Variants in PLCG1 observed in about 807,000 individuals in gnomAD.
PLCG1 encodes phospholipase C gamma 1.
In PLCG1, 71 loss-of-function variants were observed where a neutral mutation model predicts 177.8. The ratio of observed to expected loss-of-function variants is 0.40; its 90% confidence interval spans 0.33 to 0.49. The LOEUF (loss-of-function observed/expected upper bound fraction) is 0.49. Ranked by LOEUF, PLCG1 falls within the 20% of genes least tolerant of loss-of-function variation. The pLI, the probability that PLCG1 is intolerant of heterozygous loss-of-function variation, is 0.72. For synonymous variants in PLCG1, 658 were observed against 647.9 expected (o/e 1.02, Z -0.24); for missense variants, 1,281 against 1,709.0 (o/e 0.75, Z 4.42).
rs1600645501 is a variant in PLCG1 at position 41,153,595 on chromosome 20, C to G, written c.218-6011C>G. ...ATGCACTTTATAAAGGGAAAACCCT[C>G]TCTGAAGAGAAATATTTCAGACAGG... On this transcript the variant is annotated intron_variant, in intron 1 of 31. Coordinates refer to ENST00000685551, the MANE Select transcript of PLCG1 (RefSeq NM_002660.3). This position sits in a 1 kb window ranked among gnomAD's most constrained non-coding sequence, Gnocchi z 5.1. Among the ~76,000 whole-genome samples the G allele has an allele frequency of 1.3e-5, 2 of 152,320 alleles. No individual in the cohort carries two copies. Among genetic ancestry groups the G allele is most frequent in the East Asian group, 3.9e-4 (2 of 5,194 alleles).
chr20:41,169,012 C>T (rs1248219013), intron 21 of PLCG1, 67 bp from the exon 22 acceptor site: 1 of 1,338,962 alleles, frequency 7.5e-7, no homozygotes. Context: ...GAACCCCTAC[C>T]AAAGGATACC....
In PLCG1 at chr20:41,165,145, C is replaced by T. The variant is rs1363026016; in HGVS notation, c.1386+44C>T. 6 of 1,604,026 alleles carry T rather than the reference C, an allele frequency of 3.7e-6. No homozygotes were observed. Among genetic ancestry groups the T allele is most frequent in the South Asian group, 3.4e-5 (3 of 89,536 alleles). ...TGCGGAAGCCCCACACTTCTCAGTGCCTTGCCCAGGCCATGGCTTCAGCTG... is the reference window on the plus strand; with the variant it reads ...TGCGGAAGCCCCACACTTCTCAGTGTCTTGCCCAGGCCATGGCTTCAGCTG... On this transcript the variant is annotated intron_variant, in intron 13 of 31. Coordinates refer to ENST00000685551, the MANE Select transcript of PLCG1 (RefSeq NM_002660.3). The surrounding 1 kb of genome is among the most constrained non-coding windows in gnomAD (Gnocchi z 6.6).
chr20:41,141,878 T>G lies in PLCG1; in HGVS notation c.217+4020T>G, dbSNP rs377729696. Among the ~76,000 whole-genome samples, 74 of 152,194 alleles carry G rather than the reference T, an allele frequency of 4.9e-4. No homozygotes were observed. In the East Asian group the frequency reaches 7.3e-3, roughly 15 times the overall value. On this transcript the variant is annotated intron_variant, in intron 1 of 31. Coordinates refer to ENST00000685551, the MANE Select transcript of PLCG1 (RefSeq NM_002660.3). ...ACACCTCCAGCTTCTCTCCAGACTC[T>G]TGTGTGTGTGTGTACACAGATGCAC...
intron 4 of PLCG1, 185 bp from the exon 5 acceptor site, chr20:41,162,267 G>A (rs1645574088): frequency 5.0e-6 from 1 of 200,730 alleles, no homozygotes; most frequent in African/African-American, 2.6e-5. Context: ...CTCAGATGAG[G>A]AACTGAGGTC....
At position 41,157,965 on chromosome 20, in the gene PLCG1, A is replaced by G. The variant is rs2035375096; in HGVS notation, c.218-1641A>G. ...GAATAATGTTTTATGAAGAGCCAGAAGACTGGGGAAGGATGGCTGATGGGT... is the reference window on the plus strand; with the variant it reads ...GAATAATGTTTTATGAAGAGCCAGAGGACTGGGGAAGGATGGCTGATGGGT... On this transcript the variant is annotated intron_variant, in intron 1 of 31. Coordinates refer to ENST00000685551, the MANE Select transcript of PLCG1 (RefSeq NM_002660.3). This position sits in a 1 kb window ranked among gnomAD's most constrained non-coding sequence, Gnocchi z 5.4. 1.3e-5 allele frequency among the ~76,000 whole-genome samples: 2 copies of G among 152,162 alleles called. No individual in the cohort carries two copies. The highest frequency in any genetic ancestry group is 4.1e-4 in the South Asian group (2 of 4,824).
Position 41,163,041 on chromosome 20 carries a change from T to C in PLCG1, c.716+49T>C. On this transcript the variant is annotated intron_variant, in intron 7 of 31. Transcript: ENST00000685551. The surrounding 1 kb of genome is among the most constrained non-coding windows in gnomAD (Gnocchi z 5.2). ...GGGTTTTCCCTGGGCCCCCTTCATC[T>C]CTCCACTGGGCGATTCTTGATCCAG... 2 of 1,583,918 alleles carry C rather than the reference T, an allele frequency of 1.3e-6. No homozygotes were observed. Among genetic ancestry groups the C allele is most frequent in the Non-Finnish European group, 1.7e-6 (2 of 1,152,656 alleles).
At position 41,176,141 on chromosome 20, in the gene PLCG1, CT is replaced by C. The variant is rs2036060104; in HGVS notation, c.*1634del. 1 of 152,152 alleles carries C rather than the reference CT, an allele frequency of 6.6e-6. No individual in the cohort carries two copies. Among genetic ancestry groups the C allele is most frequent in the Admixed American group, 6.5e-5 (1 of 15,276 alleles). The allele number at this position is 152,152 out of a possible 1,614,324, so 9.4% of individuals were successfully genotyped here. ...GCCCTTTCAACACAGTTGAAAGGCC[CT>C]TCTCTTCCTGAAGCTCTGTTTCCAT... is the stretch of plus-strand genomic sequence containing the variant. On this transcript the variant is annotated 3_prime_UTR_variant, in exon 32 of 32. Coordinates refer to ENST00000685551, the MANE Select transcript of PLCG1 (RefSeq NM_002660.3).
At position 41,146,583 on chromosome 20, in the gene PLCG1, T is replaced by C. The variant is rs1364346128; in HGVS notation, c.217+8725T>C. ...GTGAGGAGTTGGGCCATGGCGAGTT[T>C]GGCCACTTGTTTGTGTGTGTTTAGT... On this transcript the variant is annotated intron_variant, in intron 1 of 31. Coordinates refer to ENST00000685551, the MANE Select transcript of PLCG1 (RefSeq NM_002660.3). This position sits in a 1 kb window ranked among gnomAD's most constrained non-coding sequence, Gnocchi z 6.3. Among the ~76,000 whole-genome samples, 1 of 152,206 alleles carries C rather than the reference T, an allele frequency of 6.6e-6. No individual in the cohort carries two copies. The highest frequency in any genetic ancestry group is 1.9e-4 in the East Asian group (1 of 5,192).
At chr20:41,169,233 G>GC (rs869294005) in intron 22 of PLCG1, 58 bp downstream of exon 22, 1 of 1,297,388 alleles carries the variant, frequency 7.7e-7, no homozygotes, top group Non-Finnish European at 1.1e-6. Flanking sequence ...TCCTTGGCAT[G>GC]CCCCCATCAC....
rs2035460596 is a variant in PLCG1 at position 41,160,482 on chromosome 20, C to G, written c.512+329C>G. 6.6e-6 allele frequency among the ~76,000 whole-genome samples: 1 copy of G among 152,160 alleles called. No individual in the cohort carries two copies. Among genetic ancestry groups the G allele is most frequent in the South Asian group, 2.1e-4 (1 of 4,830 alleles). Reference sequence around the variant, plus strand: ...TGCCCTGAAACTCTGGCTCTGAGACCTGGTATGGCAGCCAGAGGGGCCAAG... The same window carrying G: ...TGCCCTGAAACTCTGGCTCTGAGACGTGGTATGGCAGCCAGAGGGGCCAAG... On this transcript the variant is annotated intron_variant, in intron 4 of 31. Coordinates refer to ENST00000685551, the MANE Select transcript of PLCG1 (RefSeq NM_002660.3). This position sits in a 1 kb window ranked among gnomAD's most constrained non-coding sequence, Gnocchi z 5.5.
rs573797707 is a variant in PLCG1 at position 41,159,327 on chromosome 20, A to G, written c.218-279A>G. On this transcript the variant is annotated intron_variant, in intron 1 of 31. Coordinates refer to ENST00000685551, the MANE Select transcript of PLCG1 (RefSeq NM_002660.3). This position sits in a 1 kb window ranked among gnomAD's most constrained non-coding sequence, Gnocchi z 6.0. Reference sequence around the variant, plus strand: ...TGGAGTCTAGCTCTTTTGCAGGTCAAAATGTCTCAGTGAGGGAACAAAGAT... The same window carrying G: ...TGGAGTCTAGCTCTTTTGCAGGTCAGAATGTCTCAGTGAGGGAACAAAGAT... Among the ~76,000 whole-genome samples, 22 of 152,236 alleles carry G rather than the reference A, an allele frequency of 1.4e-4. No individual in the cohort carries two copies. The highest frequency in any genetic ancestry group is 4.8e-4 in the African/African-American group (20 of 41,524).
chr20:41,151,461 G>A lies in PLCG1; in HGVS notation c.218-8145G>A, dbSNP rs1356268435. Among the ~76,000 whole-genome samples, 6 of 152,168 alleles carry A rather than the reference G, an allele frequency of 3.9e-5. No individual in the cohort carries two copies. Among genetic ancestry groups the A allele is most frequent in the Non-Finnish European group, 8.8e-5 (6 of 68,022 alleles). On this transcript the variant is annotated intron_variant, in intron 1 of 31. Coordinates refer to ENST00000685551, the MANE Select transcript of PLCG1 (RefSeq NM_002660.3). This position sits in a 1 kb window ranked among gnomAD's most constrained non-coding sequence, Gnocchi z 5.5. ...GGGAAGGACAGTAAGCCCCACCATC[G>A]CCTTCCCTTTGCCATATAACCCTGT...
At position 41,163,575 on chromosome 20, in the gene PLCG1, GC is replaced by G; in HGVS notation, c.891+98del. Reference sequence around the variant, plus strand: ...CAGGAGCTAGACGCTCCTTAGGGATGCCACCTTGTTTCTACCTACTGTGCAC... The same window carrying G: ...CAGGAGCTAGACGCTCCTTAGGGATGCACCTTGTTTCTACCTACTGTGCAC... On this transcript the variant is annotated intron_variant, in intron 9 of 31. Transcript: ENST00000685551. The surrounding 1 kb of genome is among the most constrained non-coding windows in gnomAD (Gnocchi z 5.2). 9.2e-7 allele frequency: 1 copy of G among 1,086,834 alleles called. No homozygotes were observed. Among genetic ancestry groups the G allele is most frequent in the Non-Finnish European group, 1.4e-6 (1 of 707,518 alleles). The allele number at this position is 1,086,834 out of a possible 1,614,324, so 67.3% of individuals were successfully genotyped here.
At chr20:41,138,893 CCATTCCCCCGCCTCT>C (rs2034713917) in intron 1 of PLCG1, among the ~76,000 whole-genome samples, 1 of 152,184 alleles carries the variant, frequency 6.6e-6, no homozygotes, top group African/African-American at 2.4e-5. Context: ...GCTCTGCCCT[CCATTCCCCCGCCTCT>C]CAGTGTGAAG....
Position 41,170,224 on chromosome 20 carries a change from C to T in PLCG1, c.2763C>T (p.Asp921=), listed in dbSNP as rs532227063. 1.9e-6 allele frequency: 3 copies of T among 1,614,136 alleles called. No homozygotes were observed. The South Asian group carries it at 3.3e-5, about 18-fold the overall frequency. The change falls in exon 24 of 32, where the codon GAC becomes GAT. Residue 921 remains aspartate (D), a synonymous_variant. Coordinates refer to ENST00000685551, the MANE Select transcript of PLCG1 (RefSeq NM_002660.3). The part of the protein sequence containing the change: ...VAADSQEELQ[D]WVKKIREVAQ... Reference sequence around the variant, plus strand: ...CCGACTCACAGGAGGAGCTGCAGGACTGGGTGAAAAAGATCCGTGAAGTGG... The same window carrying T: ...CCGACTCACAGGAGGAGCTGCAGGATTGGGTGAAAAAGATCCGTGAAGTGG...
At position 41,165,358 on chromosome 20, in the gene PLCG1, T is replaced by C. The variant is rs765305767; in HGVS notation, c.1500T>C (p.Pro500=). ...ATGGCATCCTCTACCTGGAGGACCCTGTGAACCACGTGAGGACTGGGCCAG... is the reference window on the plus strand; with the variant it reads ...ATGGCATCCTCTACCTGGAGGACCCCGTGAACCACGTGAGGACTGGGCCAG... ...IKNGILYLED[P]VNHEWYPHYF... The change falls in exon 14 of 32, where the codon CCT becomes CCC. Residue 500 remains proline, a synonymous_variant. Coordinates refer to ENST00000685551, the MANE Select transcript of PLCG1 (RefSeq NM_002660.3). The surrounding 1 kb of genome is among the most constrained non-coding windows in gnomAD (Gnocchi z 6.6). The C allele has an allele frequency of 3.1e-6, 5 of 1,614,086 alleles. No homozygotes were observed. The African/African-American group carries it at 5.3e-5, about 17-fold the overall frequency.
In PLCG1 at chr20:41,166,249, C is replaced by G. The variant is rs771177831; in HGVS notation, c.1855C>G (p.Pro619Ala). The G allele has an allele frequency of 6.2e-7, 1 of 1,614,142 alleles. No homozygotes were observed. Among genetic ancestry groups the G allele is most frequent in the Non-Finnish European group, 8.5e-7 (1 of 1,180,036 alleles). The change falls in exon 17 of 32, where the codon CCC (proline) becomes GCC (alanine). Residue 619 changes from proline to alanine, a missense_variant. This residue lies in a region of PLCG1 where 723 missense variants were observed against 1,030.0 expected (regional missense o/e 0.70). Transcript: ENST00000685551. This position sits in a 1 kb window ranked among gnomAD's most constrained non-coding sequence, Gnocchi z 8.6. The part of the protein sequence containing the change: ...RIHSRQDAGT[P>A]KFFLTDNLVF... The stretch of plus-strand genomic sequence containing the variant: ...CCACTCCCGGCAAGATGCTGGGACC[C>G]CCAAGTTCTTCTTGACAGACAACCT...
Position 41,173,402 on chromosome 20 carries a change from T to G in PLCG1, c.3280-18T>G. ...GAGCAGGAAGGACAATCCCAGGCCCTTCTTTGTCTGCCTACAGGTGCTGGG... is the reference window on the plus strand; with the variant it reads ...GAGCAGGAAGGACAATCCCAGGCCCGTCTTTGTCTGCCTACAGGTGCTGGG... On this transcript the variant is annotated intron_variant, in intron 27 of 31. Coordinates refer to ENST00000685551, the MANE Select transcript of PLCG1 (RefSeq NM_002660.3). The surrounding 1 kb of genome is among the most constrained non-coding windows in gnomAD (Gnocchi z 6.2). 6.4e-7 allele frequency: 1 copy of G among 1,566,002 alleles called. No homozygotes were observed. Among genetic ancestry groups the G allele is most frequent in the Non-Finnish European group, 8.7e-7 (1 of 1,155,106 alleles).
chr20:41,163,792 C>T lies in PLCG1; in HGVS notation c.969C>T (p.Asn323=), dbSNP rs2035594018. Residue 323 remains asparagine (N), a synonymous_variant, in exon 10 of 32, where the codon AAC becomes AAT. Coordinates refer to ENST00000685551, the MANE Select transcript of PLCG1 (RefSeq NM_002660.3). This position sits in a 1 kb window ranked among gnomAD's most constrained non-coding sequence, Gnocchi z 5.2. Reference sequence around the variant, plus strand: ...ATGCAGTATGCCCGGACACCATGAACAACCCTCTTTCCCACTACTGGATCT... The same window carrying T: ...ATGCAGTATGCCCGGACACCATGAATAACCCTCTTTCCCACTACTGGATCT... The part of the protein sequence containing the change: ...QLDAVCPDTM[N]NPLSHYWISS... 1.9e-5 allele frequency: 31 copies of T among 1,613,752 alleles called. No homozygotes were observed. Among genetic ancestry groups the T allele is most frequent in the Non-Finnish European group, 2.6e-5 (31 of 1,179,760 alleles).
Sources: allele counts gnomAD v4.1 joint callset (sites outside exome capture counted in the v4.1 genomes callset), GRCh38; gene constraint gnomAD v4.1.1; regional missense constraint gnomAD v4.1.1; non-coding constraint Gnocchi (gnomAD v3.1); transcripts MANE v1.5; gene names NCBI Gene and HGNC (gene_info 2026-07-23, HGNC 2026-07-21).